RADIL: variants seen among roughly 807,000 people sequenced by gnomAD.
The protein encoded by RADIL is ras-associating and dilute domain-containing protein.
Under a neutral mutation model 97.6 loss-of-function variants are expected in RADIL, and 99 were observed. The observed-to-expected ratio is 1.01, with a 90% CI of 0.86 to 1.20. The LOEUF is 1.20. RADIL is among the 50% of genes most tolerant of loss of function. RADIL has a pLI of 0.00. For missense variants in RADIL, 1,765 were observed against 1,498.9 expected (o/e 1.18, Z -2.93); for synonymous variants, 803 against 691.8 (o/e 1.16, Z -2.52).
In RADIL at chr7:4,834,976, G is replaced by C; in HGVS notation, c.1047C>G (p.Leu349=). 1.1e-5 allele frequency: 17 copies of C among 1,610,358 alleles called. No homozygotes were observed. The highest frequency in any genetic ancestry group is 1.4e-5 in the Non-Finnish European group (17 of 1,178,886). Reference sequence around the variant, plus strand: ...GGTCCTTGAATAGCAGCAGGTAGTAGAGCCCCAGGGAGAGCAGGTCCCCGT... The same window carrying C: ...GGTCCTTGAATAGCAGCAGGTAGTACAGCCCCAGGGAGAGCAGGTCCCCGT... ...LHHGDLLSLG[L]YYLLLFKDPA... The change falls in exon 4 of 15, where the codon CTC becomes CTG. Residue 349 remains leucine (L), a synonymous_variant. Coordinates refer to ENST00000399583, the MANE Select transcript of RADIL (RefSeq NM_018059.5). The surrounding 1 kb of genome is among the most constrained non-coding windows in gnomAD (Gnocchi z 6.0).
chr7:4,870,506 A>G (rs770227601), intron 2 of RADIL, among the ~76,000 whole-genome samples: 9 of 152,110 alleles, frequency 5.9e-5, no homozygotes, highest in South Asian at 2.1e-4. Flanking sequence ...CAGTGGCACA[A>G]TCTCAGCTCA....
rs764506876 is a variant in RADIL at position 4,821,561 on chromosome 7, A to G, written c.1615+833T>C. Among the ~76,000 whole-genome samples, 4 of 152,134 alleles carry G rather than the reference A, an allele frequency of 2.6e-5. No homozygotes were observed. The highest frequency in any genetic ancestry group is 5.9e-5 in the Non-Finnish European group (4 of 68,034). On this transcript the variant is annotated intron_variant, in intron 6 of 14. Coordinates refer to ENST00000399583, the MANE Select transcript of RADIL (RefSeq NM_018059.5). The surrounding 1 kb of genome is among the most constrained non-coding windows in gnomAD (Gnocchi z 5.2). ...GTATTTTCAGAACACTTCCTACTGC[A>G]TTTCAGAAATCCTGAAATGGTGGCC...
Position 4,878,477 on chromosome 7 carries a change from T to C in RADIL, c.-64-274A>G, listed in dbSNP as rs571163646. ...ATGGCTTGAGCCCAGGAGTTCAAGA[T>C]TGCAGTGAGCTATGATAGTGCCACG... On this transcript the variant is annotated intron_variant, in intron 1 of 14. Transcript: ENST00000399583. This position sits in a 1 kb window ranked among gnomAD's most constrained non-coding sequence, Gnocchi z 4.1. Among the ~76,000 whole-genome samples the C allele has an allele frequency of 3.6e-4, 55 of 152,266 alleles. 1 individual carries two copies. The Middle Eastern group carries it at 0.034, about 94-fold the overall frequency.
intron 2 of RADIL, among the ~76,000 whole-genome samples, chr7:4,875,471 A>C (rs1045617099): frequency 6.6e-6 from 1 of 151,490 alleles, no homozygotes; most frequent in Non-Finnish European, 1.5e-5. Context: ...ACCATCCTAC[A>C]CTGGCAGTCG....
intron 11 of RADIL, 121 bp from the exon 12 acceptor site, chr7:4,802,116 C>A: frequency 1.3e-6 from 1 of 784,742 alleles, no homozygotes. Context: ...CAGCAAAGGA[C>A]TCCCGCAGCC....
At chr7:4,871,760 T>C (rs1332585545) in intron 2 of RADIL, among the ~76,000 whole-genome samples, 5 of 152,146 alleles carry the variant, frequency 3.3e-5, no homozygotes, top group African/African-American at 1.2e-4. Flanking sequence ...GGGCCTCCTC[T>C]CCTCAGGGCA....
At chr7:4,820,365 G>C (rs550458313) in intron 6 of RADIL, among the ~76,000 whole-genome samples, 1 of 152,222 alleles carries the variant, frequency 6.6e-6, no homozygotes, top group Non-Finnish European at 1.5e-5. Flanking sequence ...GGAACCTTGC[G>C]TGGAGACTTA....
chr7:4,826,782 A>G (rs921769479), intron 5 of RADIL, among the ~76,000 whole-genome samples: 2 of 152,174 alleles, frequency 1.3e-5, no homozygotes. Flanking sequence ...AAGTATAAAA[A>G]TCAAAGGCAA....
chr7:4,845,293 T>C (rs1223573611), intron 2 of RADIL, among the ~76,000 whole-genome samples: 1 of 152,028 alleles, frequency 6.6e-6, no homozygotes, highest in East Asian at 1.9e-4. Flanking sequence ...GTGGGACACG[T>C]CTTAGTCCCA....
Position 4,878,633 on chromosome 7 carries a change from G to A in RADIL, c.-64-430C>T, listed in dbSNP as rs1190855095. ...AGAGGATGTGGCTGGAGCCTGCAGG[G>A]CCACCAGAGACCGAGAGGACTAAAC... is the stretch of plus-strand genomic sequence containing the variant. On this transcript the variant is annotated intron_variant, in intron 1 of 14. Transcript: ENST00000399583. The surrounding 1 kb of genome is among the most constrained non-coding windows in gnomAD (Gnocchi z 4.1). 6.6e-6 allele frequency among the ~76,000 whole-genome samples: 1 copy of A among 152,238 alleles called. No homozygotes were observed. Among genetic ancestry groups the A allele is most frequent in the Non-Finnish European group, 1.5e-5 (1 of 68,026 alleles).
chr7:4,802,070 T>A (rs1403937360), intron 11 of RADIL, 75 bp from the exon 12 acceptor site: 14 of 1,297,528 alleles, frequency 1.1e-5, no homozygotes, highest in Non-Finnish European at 1.5e-5. Context: ...CTGGGCAGCC[T>A]GCAGCAGAAG....
Position 4,835,338 on chromosome 7 carries a change from A to AGCCCC in RADIL, c.784-100_784-99insGGGGC. 1 of 1,461,918 alleles carries AGCCCC rather than the reference A, an allele frequency of 6.8e-7. No individual in the cohort carries two copies. The highest frequency in any genetic ancestry group is 9.2e-7 in the Non-Finnish European group (1 of 1,089,160). The allele number at this position is 1,461,918 out of a possible 1,614,324, so 90.6% of individuals were successfully genotyped here. ...TGGTTGCTGAAGCAGCGTGGCTGGG[A>AGCCCC]TGCTGTCGCCACGGGCTCTCCATGT... On this transcript the variant is annotated intron_variant, in intron 3 of 14. Coordinates refer to ENST00000399583, the MANE Select transcript of RADIL (RefSeq NM_018059.5). The surrounding 1 kb of genome is among the most constrained non-coding windows in gnomAD (Gnocchi z 5.8).
rs1392953173 is a variant in RADIL at position 4,799,192 on chromosome 7, C to G, written c.*186G>C. 5 of 592,688 alleles carry G rather than the reference C, an allele frequency of 8.4e-6. No individual in the cohort carries two copies. The highest frequency in any genetic ancestry group is 1.2e-5 in the Non-Finnish European group (4 of 331,692). The allele number at this position is 592,688 out of a possible 1,614,324, so 36.7% of individuals were successfully genotyped here. On this transcript the variant is annotated 3_prime_UTR_variant, in exon 15 of 15. Coordinates refer to ENST00000399583, the MANE Select transcript of RADIL (RefSeq NM_018059.5). ...CTCTGTAACAAACATCACAATTTCA[C>G]GTCATCTGCCATATAAATAGAACCT...
chr7:4,854,629 G>T lies in RADIL; in HGVS notation c.536-18024C>A, dbSNP rs113127469. Among the ~76,000 whole-genome samples, 4,988 of 152,238 alleles carry T rather than the reference G, an allele frequency of 0.033. 264 individuals carry two copies. The highest frequency in any genetic ancestry group is 0.11 in the African/African-American group (4,645 of 41,488). ...GAATTACTTGAACCCGGGAGGCAAA[G>T]GTTGCAGTGAGCCGAGATGGCGCCA... On this transcript the variant is annotated intron_variant, in intron 2 of 14. Coordinates refer to ENST00000399583, the MANE Select transcript of RADIL (RefSeq NM_018059.5). The surrounding 1 kb of genome is among the most constrained non-coding windows in gnomAD (Gnocchi z 5.1).
intron 2 of RADIL, among the ~76,000 whole-genome samples, chr7:4,851,704 G>A (rs893903823): frequency 6.6e-6 from 1 of 152,178 alleles, no homozygotes; most frequent in African/African-American, 2.4e-5. Context: ...TCTTCTTGCT[G>A]CTTATGGTTA....
At chr7:4,869,537 CTTT>C (rs11355907) in intron 2 of RADIL, among the ~76,000 whole-genome samples, 16 of 146,390 alleles carry the variant, frequency 1.1e-4, no homozygotes, top group African/African-American at 2.5e-4. Flanking sequence ...ACCCAATTTC[CTTT>C]TTTTTTTTTT....
Position 4,834,886 on chromosome 7 carries a change from G to T in RADIL, c.1137C>A (p.Cys379Ter), listed in dbSNP as rs1044803412. ...CCCCGAGCGCGGCCCCGCACAGCCG[G>T]CAGCTCTGCGGCACAGCCCGGAGGC... is the stretch of plus-strand genomic sequence containing the variant. ...LARLRAVPQS[C>*]RLCGAALGAR... The change falls in exon 4 of 15, where the codon TGC becomes TGA. Residue 379 changes from cysteine to a stop codon, truncating the protein, a stop_gained. Transcript: ENST00000399583. LOFTEE classifies it high-confidence loss of function. The surrounding 1 kb of genome is among the most constrained non-coding windows in gnomAD (Gnocchi z 6.0). 1.0e-5 allele frequency: 15 copies of T among 1,450,596 alleles called. No individual in the cohort carries two copies. Among genetic ancestry groups the T allele is most frequent in the Non-Finnish European group, 1.4e-5 (15 of 1,103,336 alleles). 89.9% of individuals were successfully genotyped at this position (1,450,596 alleles called of 1,614,324 possible).
Position 4,822,475 on chromosome 7 carries a change from T to TA in RADIL, c.1533dup (p.Asn512Ter). 6.2e-7 allele frequency: 1 copy of TA among 1,613,050 alleles called. No homozygotes were observed. Among genetic ancestry groups the TA allele is most frequent in the South Asian group, 1.1e-5 (1 of 91,084 alleles). The stretch of plus-strand genomic sequence containing the variant: ...ATAAAGTACAGGAGCTCGATGGAGT[T>TA]AGACATCCAGAAAAGAATGGGCTGC... On this transcript the variant is annotated frameshift_variant, in exon 6 of 15. Transcript: ENST00000399583. LOFTEE classifies it high-confidence loss of function. This position sits in a 1 kb window ranked among gnomAD's most constrained non-coding sequence, Gnocchi z 5.3.
intron 2 of RADIL, among the ~76,000 whole-genome samples, chr7:4,869,267 G>T (rs918490930): frequency 6.6e-6 from 1 of 152,146 alleles, no homozygotes; most frequent in African/African-American, 2.4e-5. Flanking sequence ...TGAGTAGCTG[G>T]GACTACAGGC....
Sources: allele counts gnomAD v4.1 joint callset (sites outside exome capture counted in the v4.1 genomes callset), GRCh38; gene constraint gnomAD v4.1.1; non-coding constraint Gnocchi (gnomAD v3.1); transcripts MANE v1.5; gene names NCBI Gene and HGNC (gene_info 2026-07-23, HGNC 2026-07-21).